The following SPON1 variants were observed in gnomAD, a reference collection of about 807,000 sequenced individuals.
The protein encoded by SPON1 is spondin 1, also known as spondin-1.
SPON1 carries 52 observed loss-of-function variants against 111.7 expected under a neutral mutation model. That is an observed-to-expected ratio of 0.47 (90% CI 0.37 to 0.59). The LOEUF is 0.59. Ranked by LOEUF, SPON1 falls within the 20% of genes least tolerant of loss-of-function variation. The pLI, the probability that SPON1 is intolerant of heterozygous loss-of-function variation, is 0.00. For synonymous variants in SPON1, 410 were observed against 395.8 expected, an observed-to-expected ratio of 1.04 and a Z score of -0.43; for missense variants, 957 against 1,068.5, an observed-to-expected ratio of 0.90 and a Z score of 1.46.
At chr11:14,171,044 G>A (rs1238127335) in intron 6 of SPON1, among the ~76,000 whole-genome samples, 2 of 152,114 alleles carry the variant, frequency 1.3e-5, no homozygotes, top group African/African-American at 4.8e-5. Context: ...TTTTTCTATT[G>A]ATTGGAATAG....
chr11:14,187,586 T>A (rs1263626201), intron 6 of SPON1, among the ~76,000 whole-genome samples: 1 of 152,088 alleles, frequency 6.6e-6, no homozygotes, highest in Non-Finnish European at 1.5e-5. Flanking sequence ...AGCAGTTAGT[T>A]TGGGGTCCTA....
intron 2 of SPON1, among the ~76,000 whole-genome samples, chr11:14,009,030 A>G (rs1211380249): frequency 2.0e-5 from 3 of 152,016 alleles, no homozygotes; most frequent in African/African-American, 4.8e-5. Context: ...TTCTGCATCC[A>G]TTTTTGGCAC....
intron 5 of SPON1, among the ~76,000 whole-genome samples, chr11:14,083,987 T>C (rs782058079): frequency 6.6e-6 from 1 of 152,242 alleles, no homozygotes; most frequent in Non-Finnish European, 1.5e-5. Context: ...TAAGTGCTTT[T>C]ATTCAAGACA....
In SPON1 at chr11:14,260,646, C is replaced by G. The variant is rs567244205; in HGVS notation, c.1890C>G (p.Cys630Trp). The G allele has an allele frequency of 6.2e-7, 1 of 1,613,914 alleles. No homozygotes were observed. The highest frequency in any genetic ancestry group is 2.2e-5 in the East Asian group (1 of 44,874). The change falls in exon 14 of 16, where the codon TGC becomes TGG. Residue 630 changes from cysteine (C) to tryptophan (W), a missense_variant. Coordinates refer to ENST00000576479, the MANE Select transcript of SPON1 (RefSeq NM_006108.4). The stretch of plus-strand genomic sequence containing the variant: ...AGTGGAGTGACTGCAGCGTGACCTG[C>G]GGGAAGGGCATGCGAACCCGACAGC... The part of the protein sequence containing the change: ...WSEWSDCSVT[C>W]GKGMRTRQRM...
chr11:14,182,788 C>G (rs548619162), intron 6 of SPON1, among the ~76,000 whole-genome samples: 1 of 152,146 alleles, frequency 6.6e-6, no homozygotes, highest in Non-Finnish European at 1.5e-5. Context: ...CACACTCCAG[C>G]GCTCACTGAA....
intron 6 of SPON1, among the ~76,000 whole-genome samples, chr11:14,237,137 A>G (rs1848876758): frequency 6.6e-6 from 1 of 152,244 alleles, no homozygotes; most frequent in Non-Finnish European, 1.5e-5. Context: ...AAAATGGCTC[A>G]TTTCTTGCTA....
At chr11:14,235,550 G>A (rs1554939123) in intron 6 of SPON1, among the ~76,000 whole-genome samples, 1 of 151,668 alleles carries the variant, frequency 6.6e-6, no homozygotes, top group South Asian at 2.1e-4. Flanking sequence ...ATGGTGGTAG[G>A]CACCTGTAGT....
intron 2 of SPON1, among the ~76,000 whole-genome samples, chr11:14,020,717 G>C (rs922583243): frequency 6.6e-6 from 1 of 152,152 alleles, no homozygotes; most frequent in Non-Finnish European, 1.5e-5. Context: ...ATAAATGGTA[G>C]TACATCTTGG....
chr11:13,974,856 C>G (rs1486202060), intron 1 of SPON1, among the ~76,000 whole-genome samples: 3 of 152,180 alleles, frequency 2.0e-5, no homozygotes, highest in Admixed American at 2.0e-4. Context: ...CCCTGCTTAT[C>G]TTCCTCACCA....
At position 13,963,022 on chromosome 11, in the gene SPON1, T is replaced by C; in HGVS notation, c.118T>C (p.Ser40Pro). The C allele has an allele frequency of 6.3e-7, 1 of 1,591,886 alleles. No individual in the cohort carries two copies. Among genetic ancestry groups the C allele is most frequent in the Non-Finnish European group, 8.5e-7 (1 of 1,170,394 alleles). Residue 40 changes from serine to proline, a missense_variant, in exon 1 of 16, where the codon TCA becomes CCA. Physicochemically the swap from Ser to Pro is moderately conservative, Grantham distance 74. This residue lies in a region of SPON1 where 262 missense variants were observed against 253.9 expected (regional missense o/e 1.03). Transcript: ENST00000576479. ...CGAGACCCTGGACAAAGTGCCCAAG[T>C]CAGAGGGCTACTGCAGCCGTATCCT... is the stretch of plus-strand genomic sequence containing the variant. ...SDETLDKVPK[S>P]EGYCSRILRA...
rs73418479 is a variant in SPON1 at position 13,975,410 on chromosome 11, C to T, written c.239-7437C>T. ...AAACCTTTTTTGTTCATTCATTCAA[C>T]AAGTATATATTGAGCATTTACTATG... is the stretch of plus-strand genomic sequence containing the variant. On this transcript the variant is annotated intron_variant, in intron 1 of 15. Transcript: ENST00000576479. Among the ~76,000 whole-genome samples, 1,059 of 152,244 alleles carry T rather than the reference C, an allele frequency of 7.0e-3. 12 individuals are homozygous for T. The highest frequency in any genetic ancestry group is 0.025 in the African/African-American group (1,026 of 41,508).
intron 6 of SPON1, among the ~76,000 whole-genome samples, chr11:14,162,125 A>G (rs1477952696): frequency 6.7e-6 from 1 of 150,198 alleles, no homozygotes; most frequent in East Asian, 1.9e-4. Context: ...GCCACTGCAC[A>G]CTAGCCTGGT....
At chr11:14,038,378 A>G (rs993478663) in intron 2 of SPON1, among the ~76,000 whole-genome samples, 4 of 151,996 alleles carry the variant, frequency 2.6e-5, no homozygotes, top group Admixed American at 1.3e-4. Flanking sequence ...CTGAGGCAGG[A>G]AAATTGCCTG....
chr11:14,068,545 G>A (rs1183754906), intron 3 of SPON1, among the ~76,000 whole-genome samples: 2 of 152,182 alleles, frequency 1.3e-5, no homozygotes, highest in Non-Finnish European at 2.9e-5. Flanking sequence ...AGCAGAGAAC[G>A]TTGTTTCCAA....
chr11:14,002,881 C>A (rs1463174472), intron 2 of SPON1, among the ~76,000 whole-genome samples: 1 of 152,000 alleles, frequency 6.6e-6, no homozygotes, highest in Non-Finnish European at 1.5e-5. Context: ...TTTTAAAAAA[C>A]CCCAAAGTCC....
At chr11:14,108,142 ATTG>A (rs1849199629) in intron 5 of SPON1, among the ~76,000 whole-genome samples, 1 of 152,190 alleles carries the variant, frequency 6.6e-6, no homozygotes, top group Non-Finnish European at 1.5e-5. Context: ...ACATCACTGT[ATTG>A]TTGTAGAGTT....
chr11:13,995,297 G>C (rs1482560259), intron 2 of SPON1, among the ~76,000 whole-genome samples: 20 of 152,104 alleles, frequency 1.3e-4, no homozygotes, highest in Admixed American at 1.3e-3. Flanking sequence ...AATAAGACAT[G>C]GTATGTTAGT....
chr11:14,034,273 C>G (rs1172812371), intron 2 of SPON1, among the ~76,000 whole-genome samples: 7 of 152,086 alleles, frequency 4.6e-5, no homozygotes, highest in Admixed American at 1.3e-4. Context: ...CACAACCACT[C>G]CATTGTAATA....
chr11:14,198,703 T>C (rs1848428487), intron 6 of SPON1, among the ~76,000 whole-genome samples: 1 of 152,220 alleles, frequency 6.6e-6, no homozygotes, highest in African/African-American at 2.4e-5. Context: ...AAATAAAGGA[T>C]TCCTTTTACC....
Sources: allele counts gnomAD v4.1 joint callset (sites outside exome capture counted in the v4.1 genomes callset), GRCh38; gene constraint gnomAD v4.1.1; regional missense constraint gnomAD v4.1.1; transcripts MANE v1.5; gene names NCBI Gene and HGNC (gene_info 2026-07-23, HGNC 2026-07-21).